The following RBFOX1 variants were observed in gnomAD, a reference collection of about 807,000 sequenced individuals.
RBFOX1 encodes RNA binding protein fox-1 homolog 1.
RBFOX1 carries 8 observed loss-of-function variants against 57.7 expected under a neutral mutation model. The observed-to-expected ratio is 0.14, with a 90% CI of 0.08 to 0.25. RBFOX1 has a LOEUF of 0.25. RBFOX1 is among the 10% of genes least tolerant of loss of function. RBFOX1 has a pLI of 1.00. For missense variants in RBFOX1, 611 were observed against 548.5 expected (o/e 1.11, Z -1.14); for synonymous variants, 326 against 222.4 (o/e 1.47, Z -4.15).
intron 2 of RBFOX1, among the ~76,000 whole-genome samples, chr16:6,651,245 C>G (rs963788927): frequency 1.3e-5 from 2 of 152,214 alleles, no homozygotes; most frequent in East Asian, 1.9e-4. Flanking sequence ...CCCTGCACAT[C>G]CATGCCCTCC....
At chr16:6,232,699 C>T (rs368828846) in intron 1 of RBFOX1, among the ~76,000 whole-genome samples, 37 of 152,252 alleles carry the variant, frequency 2.4e-4, no homozygotes, top group Middle Eastern at 6.8e-3. Flanking sequence ...CCGTGCTCTG[C>T]CTTGTGCCTG....
chr16:5,676,464 C>A (rs955815474), intron 3 of RBFOX1, among the ~76,000 whole-genome samples: 2 of 152,162 alleles, frequency 1.3e-5, no homozygotes, highest in Non-Finnish European at 2.9e-5. Context: ...AGCTGTGTGA[C>A]CTTGAGCAAG....
At chr16:6,700,313 T>C (rs980428360) in intron 3 of RBFOX1, among the ~76,000 whole-genome samples, 2 of 151,524 alleles carry the variant, frequency 1.3e-5, no homozygotes, top group African/African-American at 4.8e-5. Flanking sequence ...TATAACATGC[T>C]TACATAAATT....
intron 1 of RBFOX1, among the ~76,000 whole-genome samples, chr16:6,168,447 G>T (rs754572848): frequency 5.9e-5 from 9 of 152,086 alleles, no homozygotes; most frequent in Non-Finnish European, 1.0e-4. Context: ...CAAAGATGTT[G>T]GTTATATGCA....
Position 6,202,975 on chromosome 16 carries a change from T to A in RBFOX1, c.-126-114020T>A, listed in dbSNP as rs913087157. 2.0e-5 allele frequency among the ~76,000 whole-genome samples: 3 copies of A among 151,966 alleles called. No homozygotes were observed. In the South Asian group the frequency reaches 6.2e-4, roughly 32 times the overall value. On this transcript the variant is annotated intron_variant, in intron 1 of 15. Transcript: ENST00000550418. Reference sequence around the variant, plus strand: ...TTTTTTGTAGAGATGGGGTTCTCACTTTGTTGCCAAGGCTGGTCTTGAAAT... The same window carrying A: ...TTTTTTGTAGAGATGGGGTTCTCACATTGTTGCCAAGGCTGGTCTTGAAAT...
chr16:6,924,118 G>T (rs945836656), intron 3 of RBFOX1, among the ~76,000 whole-genome samples: 1 of 151,694 alleles, frequency 6.6e-6, no homozygotes, highest in Non-Finnish European at 1.5e-5. Context: ...GCAGTGAGCT[G>T]AGATTGTACC....
chr16:6,362,982 C>T (rs980220701), intron 2 of RBFOX1, among the ~76,000 whole-genome samples: 2 of 152,202 alleles, frequency 1.3e-5, no homozygotes, highest in African/African-American at 4.8e-5. Context: ...GGAACCACCT[C>T]CCTTGGGCTG....
At chr16:5,383,644 G>C (rs1039603915) in intron 1 of RBFOX1, among the ~76,000 whole-genome samples, 2 of 152,204 alleles carry the variant, frequency 1.3e-5, no homozygotes, top group African/African-American at 2.4e-5. Flanking sequence ...AAAGCATTTT[G>C]AAACTTAGAA....
At position 5,543,060 on chromosome 16, in the gene RBFOX1, G is replaced by A. The variant is rs1424963936; in HGVS notation, c.259-55842G>A. On this transcript the variant is annotated intron_variant, in intron 2 of 2. Coordinates refer to the RBFOX1 transcript ENST00000585867. ...GGAGTGGGGAATAATTAATCATAGAGTAAGCATGGCTCTAGTCCCAGCTGA... is the reference window on the plus strand; with the variant it reads ...GGAGTGGGGAATAATTAATCATAGAATAAGCATGGCTCTAGTCCCAGCTGA... Among the ~76,000 whole-genome samples, 3 of 152,288 alleles carry A rather than the reference G, an allele frequency of 2.0e-5. No individual in the cohort carries two copies. The East Asian group carries it at 5.8e-4, about 29-fold the overall frequency.
At chr16:5,516,714 G>A (rs888339703) in intron 2 of RBFOX1, among the ~76,000 whole-genome samples, 2 of 152,094 alleles carry the variant, frequency 1.3e-5, no homozygotes, top group Non-Finnish European at 2.9e-5. Context: ...TTGAGTCATG[G>A]GGGTGGGTTT....
chr16:6,351,008 T>A (rs1400031121), intron 2 of RBFOX1, among the ~76,000 whole-genome samples: 1 of 152,126 alleles, frequency 6.6e-6, no homozygotes, highest in African/African-American at 2.4e-5. Flanking sequence ...AGTAGCAACT[T>A]GTGCAAAGTT....
At chr16:7,231,038 CA>C (rs2093467934) in intron 4 of RBFOX1, among the ~76,000 whole-genome samples, 1 of 152,154 alleles carries the variant, frequency 6.6e-6, no homozygotes, top group Non-Finnish European at 1.5e-5. Context: ...GCCCCCTGAG[CA>C]TCAGGGATCT....
At chr16:6,987,840 C>T (rs535029909) in intron 3 of RBFOX1, among the ~76,000 whole-genome samples, 8 of 152,196 alleles carry the variant, frequency 5.3e-5, no homozygotes, top group East Asian at 1.9e-4. Flanking sequence ...GATTAGAAAT[C>T]CAGGTTTATT....
intron 8 of RBFOX1, among the ~76,000 whole-genome samples, chr16:7,596,942 C>CT (rs1005991667): frequency 4.6e-5 from 7 of 152,118 alleles, no homozygotes; most frequent in Non-Finnish European, 8.8e-5. Flanking sequence ...TTGTTTGTCC[C>CT]TTTTTTTGAC....
At chr16:5,943,070 C>T (rs974561661) in intron 4 of RBFOX1, among the ~76,000 whole-genome samples, 1 of 152,156 alleles carries the variant, frequency 6.6e-6, no homozygotes, top group Non-Finnish European at 1.5e-5. Context: ...TGTTCCTATT[C>T]CCTCATCAGA....
chr16:5,764,193 C>A (rs2053692818), intron 3 of RBFOX1, among the ~76,000 whole-genome samples: 1 of 152,226 alleles, frequency 6.6e-6, no homozygotes, highest in African/African-American at 2.4e-5. Context: ...AACTCTCCAG[C>A]TCACAGCCAA....
At chr16:7,087,489 GA>G (rs1368725928) in intron 4 of RBFOX1, among the ~76,000 whole-genome samples, 5 of 146,104 alleles carry the variant, frequency 3.4e-5, no homozygotes, top group Non-Finnish European at 6.0e-5. Flanking sequence ...GCCAAACCAA[GA>G]ATTTGTTACC....
At chr16:6,179,283 C>A (rs1273830900) in intron 1 of RBFOX1, among the ~76,000 whole-genome samples, 1 of 152,134 alleles carries the variant, frequency 6.6e-6, no homozygotes, top group African/African-American at 2.4e-5. Flanking sequence ...TTCTTAAGAA[C>A]AAGTATTGTT....
chr16:5,926,800 T>C (rs2058949004), intron 4 of RBFOX1, among the ~76,000 whole-genome samples: 2 of 152,206 alleles, frequency 1.3e-5, no homozygotes, highest in African/African-American at 4.8e-5. Context: ...TTTTTAACAA[T>C]AATAGAAAAC....
Sources: gnomAD v4.1 joint callset for allele counts (sites outside exome capture counted in the v4.1 genomes callset) on GRCh38, gnomAD v4.1.1 for gene constraint, MANE v1.5 for transcripts, NCBI Gene and HGNC (gene_info 2026-07-23, HGNC 2026-07-21) for gene names.